KIAA1217: variants seen among roughly 807,000 people sequenced by gnomAD.
The protein encoded by KIAA1217 is sickle tail protein homolog.
Under a neutral mutation model 163.9 loss-of-function variants are expected in KIAA1217, and 88 were observed. The ratio of observed to expected loss-of-function variants is 0.54; its 90% confidence interval spans 0.45 to 0.64. KIAA1217 has a LOEUF of 0.64. Among genes scored for constraint, KIAA1217 ranks in the 30% least tolerant of loss-of-function variants. The pLI is 0.00. For synonymous variants in KIAA1217, 903 were observed against 923.1 expected (o/e 0.98, Z 0.39); for missense variants, 2,372 against 2,475.0 (o/e 0.96, Z 0.88).
At chr10:23,809,452 A>G (rs1001228692) in intron 1 of KIAA1217, among the ~76,000 whole-genome samples, 1 of 152,052 alleles carries the variant, frequency 6.6e-6, no homozygotes, top group Non-Finnish European at 1.5e-5. Context: ...AATATAGCAT[A>G]GAAAATAAAA....
At chr10:24,301,020 C>G (rs1469714782) in intron 2 of KIAA1217, among the ~76,000 whole-genome samples, 1 of 152,116 alleles carries the variant, frequency 6.6e-6, no homozygotes, top group African/African-American at 2.4e-5. Flanking sequence ...ACCATGTTGG[C>G]CAAGCCTGTC....
At position 23,759,282 on chromosome 10, in the gene KIAA1217, T is replaced by A. The variant is rs547046947; in HGVS notation, c.-321+64048T>A. Reference sequence around the variant, plus strand: ...TTTGTATGCTGCTACTTGGTTGAATTCATTTCTTAGTTCTAACATTTTTTG... The same window carrying A: ...TTTGTATGCTGCTACTTGGTTGAATACATTTCTTAGTTCTAACATTTTTTG... On this transcript the variant is annotated intron_variant, in intron 1 of 18. Coordinates refer to the KIAA1217 transcript ENST00000376462. Among the ~76,000 whole-genome samples the A allele has an allele frequency of 5.9e-5, 9 of 152,258 alleles. No individual in the cohort carries two copies. The East Asian group carries it at 1.7e-3, about 29-fold the overall frequency.
intron 5 of KIAA1217, among the ~76,000 whole-genome samples, chr10:24,443,106 T>G (rs2132090182): frequency 6.6e-6 from 1 of 152,280 alleles, no homozygotes; most frequent in East Asian, 1.9e-4. Flanking sequence ...AAATGGGATT[T>G]TGCCATGTTG....
chr10:24,035,376 A>AT (rs1478476942), intron 2 of KIAA1217, among the ~76,000 whole-genome samples: 4 of 152,064 alleles, frequency 2.6e-5, no homozygotes, highest in Non-Finnish European at 5.9e-5. Flanking sequence ...TTGGGAGGCA[A>AT]TTTTTTGTCT....
chr10:24,343,701 G>T (rs1281319768), intron 2 of KIAA1217, among the ~76,000 whole-genome samples: 1 of 152,114 alleles, frequency 6.6e-6, no homozygotes, highest in Non-Finnish European at 1.5e-5. Context: ...TTCTATACTA[G>T]TGCTCTTAGA....
At position 24,280,812 on chromosome 10, in the gene KIAA1217, A is replaced by AAAG. The variant is rs1306611929; in HGVS notation, c.354+60905_354+60906insGAA. 1.2e-3 allele frequency among the ~76,000 whole-genome samples: 177 copies of AAAG among 151,036 alleles called. 1 individual carries two copies. Among genetic ancestry groups the AAAG allele is most frequent in the African/African-American group, 4.2e-3 (175 of 41,346 alleles). On this transcript the variant is annotated intron_variant, in intron 2 of 20. Coordinates refer to ENST00000376454, the MANE Select transcript of KIAA1217 (RefSeq NM_019590.5). ...GCAACAGAGCGAGACTCCGTCTCAA[A>AAAG]AAAAAAAAAAAAAAGAATAAACCTA...
intron 2 of KIAA1217, among the ~76,000 whole-genome samples, chr10:24,091,118 G>A (rs184314852): frequency 2.6e-5 from 4 of 151,990 alleles, no homozygotes. Context: ...TGGTTCCTAT[G>A]AGTTTTTAAG....
At chr10:24,395,514 A>G (rs1409745527) in intron 3 of KIAA1217, among the ~76,000 whole-genome samples, 1 of 152,168 alleles carries the variant, frequency 6.6e-6, no homozygotes, top group Non-Finnish European at 1.5e-5. Context: ...GAGGCAAAGG[A>G]CCAGTGCTTA....
chr10:24,026,871 T>C (rs1424822073), intron 2 of KIAA1217, among the ~76,000 whole-genome samples: 1 of 151,714 alleles, frequency 6.6e-6, no homozygotes, highest in Non-Finnish European at 1.5e-5. Flanking sequence ...TAAATAGTTA[T>C]GGTATAAGCT....
chr10:24,356,684 C>A lies in KIAA1217; in HGVS notation c.355-24185C>A, dbSNP rs117930939. 3.6e-4 allele frequency among the ~76,000 whole-genome samples: 55 copies of A among 152,246 alleles called. No individual in the cohort carries two copies. The East Asian group carries it at 9.1e-3, about 25-fold the overall frequency. On this transcript the variant is annotated intron_variant, in intron 2 of 20. Transcript: ENST00000376454. ...TCCTAAGAAAAGAATAAGTTTGGGC[C>A]CCCTCCTCTGTCACTCACACACATG...
At chr10:24,007,832 C>T (rs1847066656) in intron 2 of KIAA1217, among the ~76,000 whole-genome samples, 1 of 152,024 alleles carries the variant, frequency 6.6e-6, no homozygotes, top group Non-Finnish European at 1.5e-5. Flanking sequence ...TTGGGTCAGT[C>T]CAATTATATG....
chr10:23,868,685 T>C (rs1049487405), intron 1 of KIAA1217, among the ~76,000 whole-genome samples: 3 of 152,116 alleles, frequency 2.0e-5, no homozygotes, highest in African/African-American at 4.8e-5. Context: ...CTAGGACACA[T>C]GGCAGGGCCT....
chr10:24,140,551 G>T (rs139925718), intron 2 of KIAA1217, among the ~76,000 whole-genome samples: 2 of 152,124 alleles, frequency 1.3e-5, no homozygotes, highest in East Asian at 3.9e-4. Flanking sequence ...GGTAACTTAG[G>T]GTAGATCCTC....
chr10:23,730,824 C>G (rs773213972), intron 1 of KIAA1217, among the ~76,000 whole-genome samples: 50 of 152,236 alleles, frequency 3.3e-4, no homozygotes, highest in Non-Finnish European at 6.0e-4. Context: ...AAGCAATGGA[C>G]TTTTGTATAT....
rs907782500 is a variant in KIAA1217 at position 24,432,996 on chromosome 10, G to C, written c.555G>C (p.Gly185=). Residue 185 remains glycine, a splice_region_variant and synonymous_variant, in exon 4 of 21, where the codon GGG becomes GGC. Transcript: ENST00000376454. ...STNQTKERSL[G]VLYLQYGDET... ...AATAACTGTTTCCTTTGTGTGCAGG[G>C]GTTCTCTATCTCCAGTATGGAGATG... The C allele has an allele frequency of 4.3e-6, 7 of 1,613,704 alleles. No individual in the cohort carries two copies. The highest frequency in any genetic ancestry group is 5.9e-6 in the Non-Finnish European group (7 of 1,179,696).
intron 17 of KIAA1217, among the ~76,000 whole-genome samples, chr10:24,538,621 AAAAAGAG>A (rs372910317): frequency 4.8e-5 from 4 of 82,618 alleles, no homozygotes; most frequent in East Asian, 3.4e-4. Context: ...GAGAGGAAGG[AAAAAGAG>A]AGGAAGGAAA....
rs533946537 is a variant in KIAA1217 at position 24,067,251 on chromosome 10, G to GT, written c.-171+59883dup. ...TTAGTGTTTCCCGTTTTTCTGCTCT[G>GT]TTTTTTCCCCATCTTTGTGATTTTA... is the stretch of plus-strand genomic sequence containing the variant. On this transcript the variant is annotated intron_variant, in intron 2 of 18. Coordinates refer to the KIAA1217 transcript ENST00000376462. Among the ~76,000 whole-genome samples the GT allele has an allele frequency of 1.9e-4, 29 of 152,268 alleles. No homozygotes were observed. In the East Asian group the frequency reaches 4.8e-3, roughly 25 times the overall value.
At chr10:23,890,456 A>G (rs1230362844) in intron 1 of KIAA1217, among the ~76,000 whole-genome samples, 1 of 151,870 alleles carries the variant, frequency 6.6e-6, no homozygotes, top group Non-Finnish European at 1.5e-5. Context: ...ATGTAAAATT[A>G]TTTATTTTGA....
intron 1 of KIAA1217, among the ~76,000 whole-genome samples, chr10:23,703,326 G>A (rs1035143776): frequency 1.3e-5 from 2 of 152,084 alleles, no homozygotes; most frequent in Non-Finnish European, 2.9e-5. Flanking sequence ...TTGCAAGAAC[G>A]GGACATTGCC....
Sources: gnomAD v4.1 joint callset for allele counts (sites outside exome capture counted in the v4.1 genomes callset) on GRCh38, gnomAD v4.1.1 for gene constraint, MANE v1.5 for transcripts, NCBI Gene and HGNC (gene_info 2026-07-23, HGNC 2026-07-21) for gene names.